Variants in CLEC16A observed in about 807,000 individuals in gnomAD.
CLEC16A encodes the protein C-type lectin domain containing 16A.
CLEC16A carries 51 observed loss-of-function variants against 109.5 expected under a neutral mutation model. The observed-to-expected ratio is 0.47, with a 90% CI of 0.37 to 0.59. CLEC16A has a LOEUF of 0.59. CLEC16A is among the 20% of genes least tolerant of loss of function. CLEC16A has a pLI of 0.00. For synonymous variants in CLEC16A, 673 were observed against 564.2 expected (o/e 1.19, Z -2.73); for missense variants, 1,339 against 1,394.0 (o/e 0.96, Z 0.63).
intron 19 of CLEC16A, among the ~76,000 whole-genome samples, chr16:11,085,045 G>C (rs1271360362): frequency 6.6e-6 from 1 of 152,200 alleles, no homozygotes; most frequent in Admixed American, 6.5e-5. Context: ...TCGGAGTTTT[G>C]TCAGGCCTGG....
At chr16:11,050,315 C>T (rs1332603849) in intron 17 of CLEC16A, among the ~76,000 whole-genome samples, 1 of 152,226 alleles carries the variant, frequency 6.6e-6, no homozygotes, top group East Asian at 1.9e-4. Flanking sequence ...AAGTTTCCAA[C>T]ACATGAACTA....
intron 19 of CLEC16A, among the ~76,000 whole-genome samples, chr16:11,118,233 C>T (rs1258239799): frequency 6.6e-6 from 1 of 152,170 alleles, no homozygotes; most frequent in Non-Finnish European, 1.5e-5. Flanking sequence ...GGATTACAGG[C>T]ACAAACCACT....
chr16:11,161,024 C>G (rs887933766), intron 22 of CLEC16A, among the ~76,000 whole-genome samples: 2 of 152,168 alleles, frequency 1.3e-5, no homozygotes, highest in African/African-American at 2.4e-5. Flanking sequence ...TAACTGCAAC[C>G]GAAAGGGAGA....
chr16:11,029,459 C>CCAGACTCTGCCTTCTCTGAGACAACCA (rs2046613629), intron 13 of CLEC16A, among the ~76,000 whole-genome samples: 1 of 152,136 alleles, frequency 6.6e-6, no homozygotes, highest in Non-Finnish European at 1.5e-5. Context: ...TCCCTGAACT[C>CCAGACTCTGCCTTCTCTGAGACAACCA]CAGACTCTGC....
chr16:11,127,560 G>T (rs1470828846), intron 22 of CLEC16A, among the ~76,000 whole-genome samples: 1 of 152,174 alleles, frequency 6.6e-6, no homozygotes, highest in Non-Finnish European at 1.5e-5. Flanking sequence ...GCTTGTGATT[G>T]GTTTCTTTCT....
chr16:10,995,641 G>T (rs1460819008), intron 10 of CLEC16A, among the ~76,000 whole-genome samples: 1 of 152,174 alleles, frequency 6.6e-6, no homozygotes, highest in Non-Finnish European at 1.5e-5. Context: ...CATTTTGCCT[G>T]TTGGATCCCA....
At chr16:11,057,592 G>A (rs543864444) in intron 18 of CLEC16A, among the ~76,000 whole-genome samples, 4 of 152,346 alleles carry the variant, frequency 2.6e-5, no homozygotes, top group African/African-American at 9.6e-5. Flanking sequence ...TTATATTTGA[G>A]CTTGGTCAGC....
intron 20 of CLEC16A, 33 bp downstream of exon 20, chr16:11,120,799 C>G: frequency 6.9e-7 from 1 of 1,455,160 alleles, no homozygotes; most frequent in Non-Finnish European, 9.1e-7. Flanking sequence ...GATCTGTTCT[C>G]AGTTGGCTAC....
intron 21 of CLEC16A, among the ~76,000 whole-genome samples, chr16:11,125,173 T>C (rs1322673738): frequency 1.3e-5 from 2 of 152,220 alleles, no homozygotes; most frequent in African/African-American, 4.8e-5. Flanking sequence ...GCGTCCCACG[T>C]TGTCGTCCCC....
intron 19 of CLEC16A, among the ~76,000 whole-genome samples, chr16:11,075,402 G>GTC (rs879547939): frequency 0.03 from 4,164 of 137,672 alleles, 94 homozygotes; most frequent in Non-Finnish European, 0.033. Flanking sequence ...GTGTGTGTGT[G>GTC]TGTGTGTGTC....
At position 11,174,266 on chromosome 16, in the gene CLEC16A, C is replaced by T; in HGVS notation, c.2807-4069C>T. 2.2e-6 allele frequency: 1 copy of T among 463,910 alleles called. No individual in the cohort carries two copies. The highest frequency in any genetic ancestry group is 4.4e-6 in the Non-Finnish European group (1 of 226,308). The allele number at this position is 463,910 out of a possible 1,614,324, so 28.7% of individuals were successfully genotyped here. A position where few individuals can be genotyped will look rare whatever the true frequency, so the allele number is the denominator to read the frequency against. Reference sequence around the variant, plus strand: ...GGCAGCTGCCACGGCACCTCACGCACAGTCAATTCAGGCAGGTCTCCCCTG... The same window carrying T: ...GGCAGCTGCCACGGCACCTCACGCATAGTCAATTCAGGCAGGTCTCCCCTG... On this transcript the variant is annotated intron_variant, in intron 23 of 23. Coordinates refer to ENST00000409790, the MANE Select transcript of CLEC16A (RefSeq NM_015226.3). The surrounding 1 kb of genome is among the most constrained non-coding windows in gnomAD (Gnocchi z 4.7).
chr16:10,985,748 G>C (rs891745524), intron 10 of CLEC16A, among the ~76,000 whole-genome samples: 1 of 152,008 alleles, frequency 6.6e-6, no homozygotes, highest in Non-Finnish European at 1.5e-5. Flanking sequence ...TTGAGATGGA[G>C]TCTCTGTCGC....
intron 2 of CLEC16A, among the ~76,000 whole-genome samples, chr16:10,958,457 C>G (rs563352125): frequency 1.3e-5 from 2 of 152,262 alleles, no homozygotes; most frequent in East Asian, 3.9e-4. Flanking sequence ...TCACCACTTC[C>G]TAGGTGAGCA....
intron 4 of CLEC16A, among the ~76,000 whole-genome samples, chr16:10,970,818 C>T (rs2042745011): frequency 2.0e-5 from 3 of 152,222 alleles, no homozygotes; most frequent in Admixed American, 2.0e-4. Context: ...ACGATCACAT[C>T]TCACTGCAGC....
chr16:11,143,285 A>ATCTTTGAGCAGGTGAGTGGG (rs1347012069), intron 22 of CLEC16A, among the ~76,000 whole-genome samples: 8 of 152,318 alleles, frequency 5.3e-5, no homozygotes, highest in Admixed American at 2.0e-4. Flanking sequence ...TGGGGAAGAC[A>ATCTTTGAGCAGGTGAGTGGG]TCTTTGAGCA....
intron 13 of CLEC16A, among the ~76,000 whole-genome samples, chr16:11,031,263 C>G (rs551853334): frequency 2.0e-4 from 31 of 152,322 alleles, no homozygotes; most frequent in African/African-American, 7.5e-4. Context: ...AGGGCTTCAG[C>G]AAAGAAGGTG....
intron 1 of CLEC16A, among the ~76,000 whole-genome samples, chr16:10,952,999 T>G (rs2041811073): frequency 1.3e-5 from 2 of 152,154 alleles, no homozygotes; most frequent in Non-Finnish European, 2.9e-5. Context: ...TCTAAGAAAA[T>G]TTTAGCACGT....
intron 19 of CLEC16A, among the ~76,000 whole-genome samples, chr16:11,113,997 G>C (rs975869732): frequency 3.9e-5 from 6 of 152,126 alleles, no homozygotes; most frequent in Non-Finnish European, 8.8e-5. Flanking sequence ...TCTCCCACTA[G>C]CAGCTTTTGA....
intron 13 of CLEC16A, among the ~76,000 whole-genome samples, chr16:11,028,535 C>G (rs1370181641): frequency 6.8e-6 from 1 of 147,752 alleles, no homozygotes; most frequent in East Asian, 2.0e-4. Flanking sequence ...TCACTTGTCT[C>G]TGCTGTGGAA....
Sources: allele counts gnomAD v4.1 joint callset (sites outside exome capture counted in the v4.1 genomes callset), GRCh38; gene constraint gnomAD v4.1.1; non-coding constraint Gnocchi (gnomAD v3.1); transcripts MANE v1.5; gene names NCBI Gene and HGNC (gene_info 2026-07-23, HGNC 2026-07-21).